The following MTX2 variants were observed in gnomAD, a reference collection of about 807,000 sequenced individuals.
MTX2 encodes metaxin-2.
MTX2 carries 35 observed loss-of-function variants against 42.3 expected under a neutral mutation model. The ratio of observed to expected loss-of-function variants is 0.83; its 90% CI spans 0.63 to 1.10. The LOEUF (loss-of-function observed/expected upper bound fraction) is 1.10. Among genes scored for constraint, MTX2 ranks in the 50% least tolerant of loss-of-function variants. The probability of loss-of-function intolerance (pLI) is 0.00; values close to 1 mark genes in which losing one functional copy is unlikely to be tolerated. For missense variants in MTX2, 307 were observed against 304.1 expected (o/e 1.01, Z -0.07); for synonymous variants, 119 against 100.9 (o/e 1.18, Z -1.08).
chr2:176,299,763 A>G (rs1683978414), intron 3 of MTX2, among the ~76,000 whole-genome samples: 1 of 152,110 alleles, frequency 6.6e-6, no homozygotes, highest in East Asian at 1.9e-4. Flanking sequence ...CCTACATTTG[A>G]TGTATAAAAT....
At chr2:176,272,928 G>C (rs1275142427) in intron 1 of MTX2, among the ~76,000 whole-genome samples, 1 of 152,110 alleles carries the variant, frequency 6.6e-6, no homozygotes, top group Non-Finnish European at 1.5e-5. Context: ...GCCTTAATCT[G>C]TTTTGTGTTG....
At chr2:176,276,910 CTTTA>C (rs1692961703) in intron 1 of MTX2, among the ~76,000 whole-genome samples, 1 of 151,814 alleles carries the variant, frequency 6.6e-6, no homozygotes, top group African/African-American at 2.4e-5. Flanking sequence ...CTGTTCTGTT[CTTTA>C]TTTAGAAGCT....
chr2:176,328,737 G>A (rs1684780031), intron 6 of MTX2, 137 bp from the exon 7 acceptor site: 5 of 680,958 alleles, frequency 7.3e-6, no homozygotes, highest in Admixed American at 2.7e-5. Flanking sequence ...TTTGTGGATA[G>A]CAGCTAAGAA....
rs932651224 is a variant in MTX2, at chr2:176,337,704, T to A, written c.*40T>A. 1.4e-6 allele frequency: 2 copies of A among 1,473,588 alleles called. No individual in the cohort carries two copies. The highest frequency in any genetic ancestry group is 1.8e-6 in the Non-Finnish European group (2 of 1,104,858). 91.3% of individuals were successfully genotyped at this position (1,473,588 alleles called of 1,614,324 possible). On this transcript the variant is annotated 3_prime_UTR_variant, in exon 10 of 10. Coordinates refer to ENST00000249442, the MANE Select transcript of MTX2 (RefSeq NM_006554.5). The stretch of plus-strand genomic sequence containing the variant: ...CTCAGGAGTCTTAACTTTTGAAATA[T>A]GTTTTACTTGAATGTTACATTAGAT...
At chr2:176,315,756 C>T (rs1684420780) in intron 3 of MTX2, among the ~76,000 whole-genome samples, 1 of 152,188 alleles carries the variant, frequency 6.6e-6, no homozygotes, top group South Asian at 2.1e-4. Context: ...GTCTTGTTAA[C>T]TGTTGCTGAA....
chr2:176,337,735 T>G lies in MTX2; in HGVS notation c.*71T>G. ...ACTTGAATGTTACATTAGATATTGG[T>G]GTCAGAATTTTAAAACCAAATTACT... is the stretch of plus-strand genomic sequence containing the variant. On this transcript the variant is annotated 3_prime_UTR_variant, in exon 10 of 10. Coordinates refer to ENST00000249442, the MANE Select transcript of MTX2 (RefSeq NM_006554.5). 7.2e-7 allele frequency: 1 copy of G among 1,392,816 alleles called. No homozygotes were observed. Among genetic ancestry groups the G allele is most frequent in the Non-Finnish European group, 9.6e-7 (1 of 1,043,186 alleles). The allele number at this position is 1,392,816 out of a possible 1,614,324, so 86.3% of individuals were successfully genotyped here.
chr2:176,323,164 ATACT>A (rs1263661943), intron 3 of MTX2, among the ~76,000 whole-genome samples: 3 of 151,906 alleles, frequency 2.0e-5, no homozygotes, highest in South Asian at 4.1e-4. Context: ...GTATACATAC[ATACT>A]TTAAGTTTCA....
intron 3 of MTX2, among the ~76,000 whole-genome samples, chr2:176,317,766 G>T (rs1684481908): frequency 6.6e-6 from 1 of 152,080 alleles, no homozygotes; most frequent in African/African-American, 2.4e-5. Flanking sequence ...TTTCAGAGTG[G>T]CACCTCACCC....
chr2:176,276,197 C>CT (rs1417945670), intron 1 of MTX2, among the ~76,000 whole-genome samples: 1 of 152,008 alleles, frequency 6.6e-6, no homozygotes, highest in African/African-American at 2.4e-5. Context: ...ATTAAAATTA[C>CT]TTAGTAATGT....
chr2:176,315,867 C>T (rs1204623501), intron 3 of MTX2, among the ~76,000 whole-genome samples: 1 of 152,152 alleles, frequency 6.6e-6, no homozygotes, highest in African/African-American at 2.4e-5. Context: ...GGTTTATGAT[C>T]AAATGTTACC....
At chr2:176,328,824 C>A in intron 6 of MTX2, 50 bp from the exon 7 acceptor site, 1 of 1,552,680 alleles carries the variant, frequency 6.4e-7, no homozygotes, top group Non-Finnish European at 8.8e-7. Flanking sequence ...TTTCTTTATC[C>A]TTTTCCTCTT....
chr2:176,325,769 T>G (rs575699232), intron 4 of MTX2, among the ~76,000 whole-genome samples: 2 of 151,378 alleles, frequency 1.3e-5, no homozygotes, highest in Non-Finnish European at 3.0e-5. Context: ...GATAAAAAAA[T>G]TTTTTTTTGC....
intron 3 of MTX2, among the ~76,000 whole-genome samples, chr2:176,318,452 C>G (rs1684497842): frequency 6.6e-6 from 1 of 152,036 alleles, no homozygotes; most frequent in Non-Finnish European, 1.5e-5. Context: ...TCAAAAATTT[C>G]CTACCAGGTA....
intron 1 of MTX2, among the ~76,000 whole-genome samples, chr2:176,294,625 A>G (rs1298718701): frequency 6.6e-6 from 1 of 152,234 alleles, no homozygotes; most frequent in South Asian, 2.1e-4. Flanking sequence ...TGCTGTTCAT[A>G]TAAGAACTCT....
intron 6 of MTX2, among the ~76,000 whole-genome samples, 158 bp from the exon 7 acceptor site, chr2:176,328,716 A>G (rs1438759109): frequency 6.6e-6 from 1 of 151,366 alleles, no homozygotes; most frequent in African/African-American, 2.4e-5. Flanking sequence ...ATAACGTACC[A>G]TCATTACATT....
chr2:176,298,114 AATTTT>A (rs1683935540), intron 3 of MTX2, among the ~76,000 whole-genome samples: 1 of 150,708 alleles, frequency 6.6e-6, no homozygotes, highest in Non-Finnish European at 1.5e-5. Flanking sequence ...AATAAACATA[AATTTT>A]TTTTTTTTTT....
At chr2:176,293,759 A>C (rs1226144605) in intron 1 of MTX2, among the ~76,000 whole-genome samples, 1 of 152,210 alleles carries the variant, frequency 6.6e-6, no homozygotes, top group Non-Finnish European at 1.5e-5. Context: ...TAAATTACCC[A>C]GTCTCAGGTA....
rs1406357232 is a variant in MTX2, at chr2:176,282,959, C to T, written c.40+13290C>T. ...CCTGGTGATCTGCCCAACTTGGCCT[C>T]CCAAAGTGCTGGGATTACAGGCGTG... On this transcript the variant is annotated intron_variant, in intron 1 of 9. Transcript: ENST00000249442. Among the ~76,000 whole-genome samples the T allele has an allele frequency of 2.0e-5, 3 of 152,168 alleles. No individual in the cohort carries two copies. In the East Asian group the frequency reaches 5.8e-4, roughly 29 times the overall value.
intron 3 of MTX2, among the ~76,000 whole-genome samples, chr2:176,300,556 T>G (rs193118951): frequency 6.6e-6 from 1 of 152,254 alleles, no homozygotes; most frequent in East Asian, 1.9e-4. Flanking sequence ...TAGTGGCTTT[T>G]GTGTTAGACA....
Sources: allele counts gnomAD v4.1 joint callset (sites outside exome capture counted in the v4.1 genomes callset), GRCh38; gene constraint gnomAD v4.1.1; transcripts MANE v1.5; gene names NCBI Gene and HGNC (gene_info 2026-07-23, HGNC 2026-07-21).